SAMD5: variants seen among roughly 807,000 people sequenced by gnomAD.
SAMD5 encodes the protein sterile alpha motif domain containing 5.
A neutral mutation model predicts 11.3 loss-of-function variants in SAMD5; 13 were observed. The observed-to-expected ratio is 1.15, with a 90% CI of 0.75 to 1.83. The LOEUF (loss-of-function observed/expected upper bound fraction) is 1.83, where lower values mean the gene tolerates loss of function less well. SAMD5 is among the 40% of genes most tolerant of loss of function. SAMD5 has a pLI of 0.00. For missense variants in SAMD5, 255 were observed against 239.1 expected, an observed-to-expected ratio of 1.07 and a Z score of -0.44; for synonymous variants, 129 against 111.3, an observed-to-expected ratio of 1.16 and a Z score of -1.00.
Position 147,594,377 on chromosome 6 carries a change from G to A in SAMD5, c.162+84990G>A, listed in dbSNP as rs1038498766. ...TTAACAGCTGTTGTAAAAGGTTTTG[G>A]GAGCAGAGAAGATTGAAGGTAAAAT... On this transcript the variant is annotated intron_variant, in intron 1 of 1. Coordinates refer to the SAMD5 transcript ENST00000566741. 3.9e-5 allele frequency among the ~76,000 whole-genome samples: 6 copies of A among 152,054 alleles called. No homozygotes were observed. The South Asian group carries it at 1.0e-3, about 26-fold the overall frequency.
At chr6:147,900,871 T>G in the SAMD5 span, among the ~76,000 whole-genome samples, 1 of 152,222 alleles carries the variant, frequency 6.6e-6, no homozygotes, top group Non-Finnish European at 1.5e-5. Context: ...ATGTTTTGCC[T>G]TATCTCGTTT....
the SAMD5 span, among the ~76,000 whole-genome samples, chr6:147,800,139 G>A: frequency 6.6e-6 from 1 of 152,186 alleles, no homozygotes; most frequent in South Asian, 2.1e-4. Flanking sequence ...GAGGAGGAGA[G>A]GCACTCTGAT....
the SAMD5 span, among the ~76,000 whole-genome samples, chr6:147,875,775 A>C: frequency 6.6e-6 from 1 of 152,124 alleles, no homozygotes; most frequent in African/African-American, 2.4e-5. Flanking sequence ...GTTCCTTATG[A>C]GAATCCAGTG....
At chr6:147,697,716 T>A (rs549166834) in intron 1 of SAMD5, among the ~76,000 whole-genome samples, 2 of 152,256 alleles carry the variant, frequency 1.3e-5, no homozygotes, top group South Asian at 4.1e-4. Flanking sequence ...GAAACAATCA[T>A]GATGAATGAG....
chr6:147,564,871 G>T lies in SAMD5; in HGVS notation c.*415G>T. The stretch of plus-strand genomic sequence containing the variant: ...TAGTAATTATATTATTTCCAAATTT[G>T]CTTTTAACTTGAGAACAGTAGCTTT... On this transcript the variant is annotated 3_prime_UTR_variant, in exon 2 of 2. Coordinates refer to ENST00000367474, the MANE Select transcript of SAMD5 (RefSeq NM_001030060.3). 2.2e-6 allele frequency: 2 copies of T among 921,770 alleles called. No individual in the cohort carries two copies. Among genetic ancestry groups the T allele is most frequent in the Non-Finnish European group, 2.6e-6 (2 of 771,744 alleles). The allele number at this position is 921,770 out of a possible 1,614,324, so 57.1% of individuals were successfully genotyped here. A position where few individuals can be genotyped will look rare whatever the true frequency, so the allele number is the denominator to read the frequency against.
intron 1 of SAMD5, among the ~76,000 whole-genome samples, chr6:147,710,073 C>T (rs1279200312): frequency 6.6e-6 from 1 of 152,194 alleles, no homozygotes; most frequent in Non-Finnish European, 1.5e-5. Context: ...GTCAGTCAGT[C>T]AGAAATACCT....
At chr6:147,827,969 T>A in the SAMD5 span, among the ~76,000 whole-genome samples, 3 of 151,320 alleles carry the variant, frequency 2.0e-5, no homozygotes, top group East Asian at 5.8e-4. Flanking sequence ...TTTCTGTATT[T>A]TTTTTTTTTT....
chr6:147,550,891 C>T (rs1381765726), intron 1 of SAMD5, among the ~76,000 whole-genome samples: 1 of 103,662 alleles, frequency 9.6e-6, no homozygotes, highest in Non-Finnish European at 2.1e-5. Context: ...GCACTTATAC[C>T]TCTTATATTT....
At chr6:147,663,554 GTGGGTGGA>G (rs899124990) in intron 1 of SAMD5, among the ~76,000 whole-genome samples, 2 of 152,168 alleles carry the variant, frequency 1.3e-5, no homozygotes, top group Middle Eastern at 3.4e-3. Flanking sequence ...GGCCGAGGAG[GTGGGTGGA>G]TCACCTGAAG....
At chr6:147,576,749 T>C (rs1434269447) in intron 1 of SAMD5, among the ~76,000 whole-genome samples, 1 of 152,240 alleles carries the variant, frequency 6.6e-6, no homozygotes, top group Non-Finnish European at 1.5e-5. Flanking sequence ...ACTTCTGTTA[T>C]CTGTGATGTC....
At chr6:147,635,249 A>G (rs554944867) in intron 1 of SAMD5, among the ~76,000 whole-genome samples, 57 of 152,136 alleles carry the variant, frequency 3.7e-4, no homozygotes, top group Middle Eastern at 3.4e-3. Context: ...CACCACCACC[A>G]TCACCATCGT....
the SAMD5 span, among the ~76,000 whole-genome samples, chr6:147,811,940 T>G: frequency 3.3e-5 from 5 of 151,982 alleles, no homozygotes; most frequent in Non-Finnish European, 4.4e-5. Flanking sequence ...GTGTTTAGGT[T>G]GATATGGTGG....
intron 1 of SAMD5, among the ~76,000 whole-genome samples, chr6:147,532,201 T>G (rs2128441209): frequency 6.6e-6 from 1 of 152,270 alleles, no homozygotes; most frequent in Middle Eastern, 3.4e-3. Flanking sequence ...AATTCTTAAG[T>G]GGTGATTTCT....
chr6:147,707,604 T>C lies in SAMD5; in HGVS notation c.163-29713T>C, dbSNP rs143849333. ...TTAATGTAAAATTTTCATTATTTAG[T>C]TACTAGAGACATTCATTCAGAGTTT... On this transcript the variant is annotated intron_variant, in intron 1 of 1. Coordinates refer to the SAMD5 transcript ENST00000566741. 3.9e-5 allele frequency among the ~76,000 whole-genome samples: 6 copies of C among 152,302 alleles called. No individual in the cohort carries two copies. In the East Asian group the frequency reaches 7.7e-4, roughly 20 times the overall value.
chr6:147,790,789 TCTCTCTC>T, the SAMD5 span, among the ~76,000 whole-genome samples: 1 of 92,086 alleles, frequency 1.1e-5, no homozygotes. Flanking sequence ...TCTCTCTCTC[TCTCTCTC>T]TCTCTCTCTC....
the SAMD5 span, among the ~76,000 whole-genome samples, chr6:147,893,771 C>A: frequency 6.6e-5 from 10 of 152,104 alleles, no homozygotes; most frequent in African/African-American, 1.9e-4. Context: ...TCTAAAATTT[C>A]TCTTTAAAAG....
chr6:147,879,376 T>G, the SAMD5 span, among the ~76,000 whole-genome samples: 1 of 152,154 alleles, frequency 6.6e-6, no homozygotes, highest in African/African-American at 2.4e-5. Context: ...GATTGACAGA[T>G]AGCTGCAACT....
At chr6:147,936,440 G>A in the SAMD5 span, among the ~76,000 whole-genome samples, 2 of 151,704 alleles carry the variant, frequency 1.3e-5, no homozygotes, top group Non-Finnish European at 2.9e-5. Context: ...GAGTGGCGAG[G>A]GGCAGTGGTG....
the SAMD5 span, among the ~76,000 whole-genome samples, chr6:147,747,914 A>G: frequency 2.6e-5 from 4 of 152,280 alleles, no homozygotes; most frequent in African/African-American, 9.6e-5. Context: ...TTCTGAGAAG[A>G]CAAAAACCAA....
Sources: allele counts gnomAD v4.1 joint callset (sites outside exome capture counted in the v4.1 genomes callset), GRCh38; gene constraint gnomAD v4.1.1; transcripts MANE v1.5; gene names NCBI Gene and HGNC (gene_info 2026-07-23, HGNC 2026-07-21).